Variants in AP5Z1 observed in about 807,000 individuals in gnomAD.
AP5Z1 encodes the protein AP-5 complex subunit zeta-1.
Under a neutral mutation model 83.0 loss-of-function variants are expected in AP5Z1, and 106 were observed. The observed-to-expected ratio is 1.28, with a 90% CI of 1.09 to 1.50. The LOEUF (loss-of-function observed/expected upper bound fraction) is 1.50. AP5Z1 is among the 40% of genes most tolerant of loss of function. AP5Z1 has a pLI of 0.00. For synonymous variants in AP5Z1, 751 were observed against 514.1 expected, an observed-to-expected ratio of 1.46 and a Z score of -6.23; for missense variants, 1,565 against 1,094.2, an observed-to-expected ratio of 1.43 and a Z score of -6.07.
At position 4,777,180 on chromosome 7, in the gene AP5Z1, G is replaced by A. The variant is rs570804406; in HGVS notation, c.41+1424G>A. ...AATCCTGGACAGATATGTCATTCAT[G>A]TGAATGTGGGGACTATATGAAAATG... On this transcript the variant is annotated intron_variant, in intron 1 of 16. Transcript: ENST00000649063. 5.3e-5 allele frequency among the ~76,000 whole-genome samples: 8 copies of A among 152,180 alleles called. 1 individual carries two copies. Among genetic ancestry groups the A allele is most frequent in the South Asian group, 4.2e-4 (2 of 4,816 alleles).
In AP5Z1 at chr7:4,790,704, C is replaced by T. The variant is rs1243924522; in HGVS notation, c.1970C>T (p.Thr657Ile). The T allele has an allele frequency of 1.9e-6, 3 of 1,611,372 alleles. No homozygotes were observed. The highest frequency in any genetic ancestry group is 2.2e-5 in the South Asian group (2 of 90,932). Residue 657 changes from threonine to isoleucine, a missense_variant, in exon 16 of 17, where the codon ACC becomes ATC. Thr to Ile is a moderately conservative substitution (Grantham distance 89). Transcript: ENST00000649063. ...VWAIGEYLSVTYDRRCTVEQI... is the reference protein window; with the variant it reads ...VWAIGEYLSVIYDRRCTVEQI... ...GCCATCGGCGAGTACCTGTCGGTGA[C>T]CTACGATCGGAGGTGCACCGTGGAG...
At chr7:4,783,165 G>A in intron 3 of AP5Z1, 151 bp from the exon 4 acceptor site, 3 of 1,196,242 alleles carry the variant, frequency 2.5e-6, no homozygotes, top group Non-Finnish European at 3.4e-6. Context: ...GTGGCCCGGG[G>A]TGGGCCTGCG....
In AP5Z1 at chr7:4,786,518, C is replaced by G. The variant is rs150562452; in HGVS notation, c.1311+90C>G. Reference sequence around the variant, plus strand: ...TTTCCAGCGGGGTTCAGGGCGAGTCCTGGCTGAGCATAGAGCCCTGTGAGT... The same window carrying G: ...TTTCCAGCGGGGTTCAGGGCGAGTCGTGGCTGAGCATAGAGCCCTGTGAGT... On this transcript the variant is annotated intron_variant, in intron 10 of 16. Transcript: ENST00000649063. 2.9e-5 allele frequency: 43 copies of G among 1,472,780 alleles called. No individual in the cohort carries two copies. In the East Asian group the frequency reaches 9.5e-4, roughly 33 times the overall value. 91.2% of individuals were successfully genotyped at this position (1,472,780 alleles called of 1,614,324 possible). A position where few individuals can be genotyped will look rare whatever the true frequency, so the allele number is the denominator to read the frequency against.
At chr7:4,777,440 T>G (rs1173878820) in intron 1 of AP5Z1, among the ~76,000 whole-genome samples, 1 of 151,958 alleles carries the variant, frequency 6.6e-6, no homozygotes, top group African/African-American at 2.4e-5. Flanking sequence ...CAGGCTGGAG[T>G]ACAATGGCGC....
At position 4,775,745 on chromosome 7, in the gene AP5Z1, C is replaced by T. The variant is rs775126946; in HGVS notation, c.30C>T (p.Leu10=). The T allele has an allele frequency of 8.7e-6, 14 of 1,605,430 alleles. No individual in the cohort carries two copies. Among genetic ancestry groups the T allele is most frequent in the Non-Finnish European group, 1.2e-5 (14 of 1,179,688 alleles). The part of the protein sequence containing the change: MFSAGAESL[L]HQAREIQDEE... Reference sequence around the variant, plus strand: ...TCTCGGCAGGAGCGGAGAGTTTGCTCCACCAGGCCAGGTACGGGGGAGCTG... The same window carrying T: ...TCTCGGCAGGAGCGGAGAGTTTGCTTCACCAGGCCAGGTACGGGGGAGCTG... The change falls in exon 1 of 17, where the codon CTC becomes CTT. Residue 10 remains leucine, a synonymous_variant. Coordinates refer to ENST00000649063, the MANE Select transcript of AP5Z1 (RefSeq NM_014855.3).
chr7:4,788,620 C>T (rs1053330554), intron 12 of AP5Z1: 8 of 517,124 alleles, frequency 1.5e-5, no homozygotes, highest in African/African-American at 1.2e-4. Context: ...AGGCCTCCTG[C>T]CCTCAGCCCA....
Position 4,787,997 on chromosome 7 carries a change from C to T in AP5Z1, c.1455-157C>T, listed in dbSNP as rs369874349. Among the ~76,000 whole-genome samples the T allele has an allele frequency of 3.3e-3, 497 of 152,266 alleles. 3 individuals are homozygous for T. Among genetic ancestry groups the T allele is most frequent in the African/African-American group, 8.1e-3 (335 of 41,568 alleles). On this transcript the variant is annotated intron_variant, in intron 11 of 16. Coordinates refer to ENST00000649063, the MANE Select transcript of AP5Z1 (RefSeq NM_014855.3). The stretch of plus-strand genomic sequence containing the variant: ...CCCCTGCACCCTGGAGTGCCTCACC[C>T]GTCTTCACGCCCAGGCCTGGAGCCT...
chr7:4,788,703 G>A (rs554971582), intron 12 of AP5Z1, 137 bp from the exon 13 acceptor site: 5 of 741,986 alleles, frequency 6.7e-6, no homozygotes, highest in South Asian at 6.1e-5. Context: ...ACCCAGGGGA[G>A]CAGGAGGTCC....
intron 1 of AP5Z1, 46 bp from the exon 2 acceptor site, chr7:4,781,129 C>T (rs376621971): frequency 3.2e-5 from 50 of 1,585,844 alleles, no homozygotes; most frequent in Admixed American, 2.0e-4. Context: ...TTTTTGGTTC[C>T]GAGCAGCGAG....
rs551256675 is a variant in AP5Z1 at position 4,781,408 on chromosome 7, T to C, written c.179+96T>C. The C allele has an allele frequency of 6.3e-6, 10 of 1,579,188 alleles. No homozygotes were observed. The Admixed American group carries it at 1.4e-4, about 22-fold the overall frequency. ...GGTCACTGCAGATGCTCCTTGGGGG[T>C]TGAGTCATTTGTCCACTTAAACCAG... On this transcript the variant is annotated intron_variant, in intron 2 of 16. Coordinates refer to ENST00000649063, the MANE Select transcript of AP5Z1 (RefSeq NM_014855.3).
chr7:4,790,251 G>C (rs1201272009), intron 14 of AP5Z1: 1 of 1,546,066 alleles, frequency 6.5e-7, no homozygotes, highest in Non-Finnish European at 8.7e-7. Flanking sequence ...TCCACTCTGA[G>C]CCTGGGCCTG....
At chr7:4,783,653 C>T (rs546392230) in intron 4 of AP5Z1, 36 bp from the exon 5 acceptor site, 2 of 1,537,230 alleles carry the variant, frequency 1.3e-6, no homozygotes, top group Admixed American at 2.0e-5. Flanking sequence ...CTGTAGGATT[C>T]AACCTCACCT....
At chr7:4,779,035 A>AATAT (rs1482025051) in intron 1 of AP5Z1, among the ~76,000 whole-genome samples, 2 of 145,702 alleles carry the variant, frequency 1.4e-5, no homozygotes, top group South Asian at 2.1e-4. Context: ...TATCTCAAAA[A>AATAT]ATATATATAT....
chr7:4,778,790 A>G (rs1781289269), intron 1 of AP5Z1, among the ~76,000 whole-genome samples: 1 of 145,826 alleles, frequency 6.9e-6, no homozygotes, highest in African/African-American at 2.5e-5. Context: ...AGTAATATAT[A>G]ATATAATTAT....
chr7:4,785,707 C>G, intron 9 of AP5Z1, 23 bp downstream of exon 9: 1 of 1,473,084 alleles, frequency 6.8e-7, no homozygotes, highest in Non-Finnish European at 9.0e-7. Context: ...TGGGGTGGCG[C>G]TGACTCGGGG....
At position 4,786,266 on chromosome 7, in the gene AP5Z1, G is replaced by A. The variant is rs759419701; in HGVS notation, c.1149G>A (p.Val383=). The A allele has an allele frequency of 6.8e-6, 11 of 1,608,644 alleles. 1 individual carries two copies. The South Asian group carries it at 7.7e-5, about 11-fold the overall frequency. The stretch of plus-strand genomic sequence containing the variant: ...GTCTTGCAGGGGAAGCGGCTGCAGT[G>A]GACTCGGAAGCCGTCTACCAGCACC... ...FFLSHGEAAA[V]DSEAVYQHLF... is the part of the protein sequence containing the mutation. The change falls in exon 10 of 17, where the codon GTG becomes GTA. Residue 383 remains valine, a synonymous_variant. Transcript: ENST00000649063.
Position 4,784,223 on chromosome 7 carries a change from G to A in AP5Z1, c.642G>A (p.Val214=). Residue 214 remains valine (V), a synonymous_variant, in exon 6 of 17, where the codon GTG becomes GTA. Transcript: ENST00000649063. Reference sequence around the variant, plus strand: ...CACAGCCGGGCCCCGTCACCGAGGTGGACGGGGCGGTAGCCACAGACTTCT... The same window carrying A: ...CACAGCCGGGCCCCGTCACCGAGGTAGACGGGGCGGTAGCCACAGACTTCT... The part of the protein sequence containing the change: ...RARQPGPVTE[V]DGAVATDFFT... The A allele has an allele frequency of 6.3e-7, 1 of 1,586,764 alleles. No homozygotes were observed. The highest frequency in any genetic ancestry group is 1.2e-5 in the South Asian group (1 of 86,810).
intron 13 of AP5Z1, among the ~76,000 whole-genome samples, chr7:4,789,269 A>G (rs1011543043): frequency 1.3e-5 from 2 of 149,794 alleles, no homozygotes; most frequent in African/African-American, 5.0e-5. Flanking sequence ...AGCAGGCTCC[A>G]TCCAACTGCC....
chr7:4,789,128 C>T (rs1781659330), intron 13 of AP5Z1, 177 bp downstream of exon 13: 4 of 585,892 alleles, frequency 6.8e-6, no homozygotes, highest in Non-Finnish European at 1.2e-5. Flanking sequence ...AGGCCCCGTC[C>T]CTTGTCCCAT....
Sources: gnomAD v4.1 joint callset for allele counts (sites outside exome capture counted in the v4.1 genomes callset) on GRCh38, gnomAD v4.1.1 for gene constraint, MANE v1.5 for transcripts, NCBI Gene and HGNC (gene_info 2026-07-23, HGNC 2026-07-21) for gene names.